Variants in ARHGEF25 observed in about 807,000 individuals in gnomAD.
The protein encoded by ARHGEF25 is Rho guanine nucleotide exchange factor 25, also known as RAC/CDC42 exchange factor.
ARHGEF25 carries 42 observed loss-of-function variants against 74.0 expected under a neutral mutation model. That is an observed-to-expected ratio of 0.57 (90% CI 0.44 to 0.73). The LOEUF is 0.73. Ranked by LOEUF, ARHGEF25 falls within the 30% of genes least tolerant of loss-of-function variation. The probability of loss-of-function intolerance (pLI) is 0.00; values close to 1 mark genes in which losing one functional copy is unlikely to be tolerated. For missense variants in ARHGEF25, 645 were observed against 725.5 expected, an observed-to-expected ratio of 0.89 and a Z score of 1.27; for synonymous variants, 293 against 278.6, an observed-to-expected ratio of 1.05 and a Z score of -0.51.
rs1884284549 is a variant in ARHGEF25 at position 57,616,316 on chromosome 12, G to A, written c.1453G>A (p.Glu485Lys). 6 of 1,613,434 alleles carry A rather than the reference G, an allele frequency of 3.7e-6. No homozygotes were observed. Among genetic ancestry groups the A allele is most frequent in the Non-Finnish European group, 4.2e-6 (5 of 1,179,926 alleles). ...LQSPIEYQRR[E>K]SQTNSLGRPR... ...GTCACCCATTGAGTACCAGAGACGG[G>A]AGAGCCAGACCAACAGCCTGGGGCG... Residue 485 changes from glutamate (E) to lysine (K), a missense_variant, in exon 14 of 15, where the codon GAG becomes AAG. Physicochemically the swap from Glu to Lys is moderately conservative, Grantham distance 56 (BLOSUM62 1). Coordinates refer to ENST00000286494, the MANE Select transcript of ARHGEF25 (RefSeq NM_182947.4).
In ARHGEF25 at chr12:57,614,890, G is replaced by A. The variant is rs978134356; in HGVS notation, c.910-77G>A. ...CCAGACTTCCTGAGGGCCCTCACTG[G>A]TGTCCTCAGGGGAGGATGTGAGAGC... On this transcript the variant is annotated intron_variant, in intron 9 of 14. Transcript: ENST00000286494. The surrounding 1 kb of genome is among the most constrained non-coding windows in gnomAD (Gnocchi z 4.6). 6.3e-7 allele frequency: 1 copy of A among 1,582,644 alleles called. No homozygotes were observed. Among genetic ancestry groups the A allele is most frequent in the East Asian group, 2.2e-5 (1 of 44,552 alleles).
intron 4 of ARHGEF25, 82 bp downstream of exon 4, chr12:57,613,598 G>C: frequency 6.2e-7 from 1 of 1,611,682 alleles, no homozygotes; most frequent in South Asian, 1.1e-5. Flanking sequence ...TTCCTCCAAG[G>C]TTGGCTATGA....
chr12:57,615,441 G>A (rs1393753231), intron 11 of ARHGEF25, 71 bp from the exon 12 acceptor site: 21 of 1,602,528 alleles, frequency 1.3e-5, no homozygotes, highest in South Asian at 8.8e-5. Flanking sequence ...CATGTCAGGC[G>A]AGGAAGGGAG....
In ARHGEF25 at chr12:57,613,047, C is replaced by A. The variant is rs750562465; in HGVS notation, c.215C>A (p.Pro72Gln). The A allele has an allele frequency of 2.4e-5, 38 of 1,614,030 alleles. No homozygotes were observed. The highest frequency in any genetic ancestry group is 3.1e-5 in the Non-Finnish European group (36 of 1,180,004). ...LSSGPCSPGP[P>Q]GPVSGLRRWL... ...TCTGGCCCCTGTTCCCCAGGCCCCC[C>A]AGGGCCCGTCAGTGGCCTGAGGAGA... Residue 72 changes from proline to glutamine, a missense_variant, in exon 2 of 15, where the codon CCA becomes CAA. Coordinates refer to ENST00000286494, the MANE Select transcript of ARHGEF25 (RefSeq NM_182947.4).
At chr12:57,612,693 A>G in intron 1 of ARHGEF25, 2 of 1,404,852 alleles carry the variant, frequency 1.4e-6, no homozygotes. Flanking sequence ...GGGAACCTCC[A>G]CATGTAACTG....
In ARHGEF25 at chr12:57,615,002, T is replaced by A. The variant is rs570006492; in HGVS notation, c.945T>A (p.Asp315Glu). The change falls in exon 10 of 15, where the codon GAT (aspartate) becomes GAA (glutamate). Residue 315 changes from aspartate to glutamate, a missense_variant. Asp to Glu is a conservative substitution (Grantham distance 45). Around this residue, in one of 3 missense-constraint regions of ARHGEF25, gnomAD observed 194 missense variants for 269.4 expected, o/e 0.72. Transcript: ENST00000286494. ...AGTATTACAATAGAGCTGGGATGGA[T>A]ACTGCAGACCTAGAGGTGAGGACCC... is the stretch of plus-strand genomic sequence containing the variant. ...FLKYYNRAGM[D>E]TADLEQAVEV... 1 of 1,614,164 alleles carries A rather than the reference T, an allele frequency of 6.2e-7. No individual in the cohort carries two copies. Among genetic ancestry groups the A allele is most frequent in the Non-Finnish European group, 8.5e-7 (1 of 1,180,012 alleles).
At position 57,611,488 on chromosome 12, in the gene ARHGEF25, G is replaced by T. The variant is rs1884038357; in HGVS notation, c.-407G>T. On this transcript the variant is annotated 5_prime_UTR_variant, in exon 1 of 15. Transcript: ENST00000286494. This position sits in a 1 kb window ranked among gnomAD's most constrained non-coding sequence, Gnocchi z 4.5. ...CACAGCGCCAGTGGCTCGGGGGTCGGCCCTCGCCTCCTCCCCGGCCCGGGC... is the reference window on the plus strand; with the variant it reads ...CACAGCGCCAGTGGCTCGGGGGTCGTCCCTCGCCTCCTCCCCGGCCCGGGC... 22 of 985,502 alleles carry T rather than the reference G, an allele frequency of 2.2e-5. No homozygotes were observed. The highest frequency in any genetic ancestry group is 2.5e-5 in the Non-Finnish European group (21 of 830,216). 61.0% of individuals were successfully genotyped at this position (985,502 alleles called of 1,614,324 possible).
chr12:57,615,864 C>A lies in ARHGEF25; in HGVS notation c.1267C>A (p.Leu423Ile), dbSNP rs1167204700. ...GAGCTGCCTGGGACTGGAGGGGAAC[C>A]TCCAAGGTGACCCTTGCCGCTTTGC... ...KVSCLGLEGN[L>I]QGDPCRFALT... is the part of the protein sequence containing the mutation. The change falls in exon 13 of 15, where the codon CTC becomes ATC. Residue 423 changes from leucine to isoleucine, a missense_variant. Physicochemically the swap from Leu to Ile is conservative, Grantham distance 5. Transcript: ENST00000286494. The A allele has an allele frequency of 8.7e-6, 14 of 1,613,872 alleles. No individual in the cohort carries two copies. The Admixed American group carries it at 1.2e-4, about 13-fold the overall frequency.
At chr12:57,610,270 C>A, upstream of ARHGEF25, 1 of 1,583,168 alleles carries the variant, frequency 6.3e-7, no homozygotes, top group Admixed American at 1.8e-5. Flanking sequence ...TACTGGGGGT[C>A]ATGGGGGGCA....
intron 10 of ARHGEF25, 57 bp from the exon 11 acceptor site, chr12:57,615,180 C>G: frequency 6.4e-7 from 1 of 1,563,570 alleles, no homozygotes; most frequent in Non-Finnish European, 8.7e-7. Flanking sequence ...GAGGAGGCCT[C>G]TTTCCCAATA....
chr12:57,612,593 G>A, intron 1 of ARHGEF25: 1 of 597,174 alleles, frequency 1.7e-6, no homozygotes, highest in Non-Finnish European at 2.3e-6. Context: ...AAGAGGGAGG[G>A]TTGTAGGAGA....
chr12:57,615,418 A>G (rs931486841), intron 11 of ARHGEF25, 94 bp from the exon 12 acceptor site: 3 of 1,593,418 alleles, frequency 1.9e-6, no homozygotes, highest in Non-Finnish European at 2.6e-6. Flanking sequence ...GGCTGACCCC[A>G]TGGTTGGTTG....
At chr12:57,613,986 G>T in intron 5 of ARHGEF25, 30 bp from the exon 6 acceptor site, 1 of 1,603,932 alleles carries the variant, frequency 6.2e-7, no homozygotes, top group African/African-American at 1.3e-5. Context: ...GCCACCACAT[G>T]CTCATGACCC....
At chr12:57,612,320 T>C (rs1884089371) in intron 1 of ARHGEF25, 1 of 171,496 alleles carries the variant, frequency 5.8e-6, no homozygotes, top group Admixed American at 6.3e-5. Context: ...GACAGGAGAA[T>C]GGAGGAATGA....
rs1160362678 is a variant in ARHGEF25, at chr12:57,614,973, C to A, written c.916C>A (p.Leu306Ile). The A allele has an allele frequency of 5.6e-6, 9 of 1,614,118 alleles. No individual in the cohort carries two copies. The highest frequency in any genetic ancestry group is 7.6e-6 in the Non-Finnish European group (9 of 1,180,016). The change falls in exon 10 of 15, where the codon CTC (leucine) becomes ATC (isoleucine). Residue 306 changes from leucine (L) to isoleucine (I), a missense_variant. By Grantham distance (5) the Leu-to-Ile change is conservative (BLOSUM62 2). Transcript: ENST00000286494. This position sits in a 1 kb window ranked among gnomAD's most constrained non-coding sequence, Gnocchi z 4.6. ...MKYQLLLKDF[L>I]KYYNRAGMDT... is the part of the protein sequence containing the mutation. ...TTTCTTCTCTCTGTCTTAGGATTTT[C>A]TCAAGTATTACAATAGAGCTGGGAT...
At chr12:57,612,066 C>T (rs1884079503) in intron 1 of ARHGEF25, 75 bp downstream of exon 1, 2 of 1,171,364 alleles carry the variant, frequency 1.7e-6, no homozygotes, top group Non-Finnish European at 2.2e-6. Flanking sequence ...TTTGCCCTGG[C>T]CCTTGGGATT....
upstream of ARHGEF25, chr12:57,610,706 G>GGGGCA: frequency 1.9e-6 from 3 of 1,595,606 alleles, no homozygotes; most frequent in Non-Finnish European, 2.6e-6. Context: ...GGGGTGGGGT[G>GGGGCA]GGGCACAGTT....
upstream of ARHGEF25, chr12:57,610,271 A>C: frequency 6.5e-7 from 1 of 1,529,502 alleles, no homozygotes; most frequent in South Asian, 1.1e-5. Context: ...ACTGGGGGTC[A>C]TGGGGGGCAT....
At chr12:57,616,721 A>T in intron 14 of ARHGEF25, 63 bp from the exon 15 acceptor site, 1 of 1,258,232 alleles carries the variant, frequency 7.9e-7, no homozygotes, top group Non-Finnish European at 1.1e-6. Context: ...CTTAAACTGA[A>T]AAGAGAGAAG....
Sources: gnomAD v4.1 joint callset for allele counts on GRCh38, gnomAD v4.1.1 for gene constraint, gnomAD v4.1.1 regional missense constraint, Gnocchi (gnomAD v3.1) non-coding constraint, MANE v1.5 for transcripts, NCBI Gene and HGNC (gene_info 2026-07-23, HGNC 2026-07-21) for gene names.